Variants in NDUFS1 observed in about 807,000 individuals in gnomAD.
NDUFS1 encodes NADH-ubiquinone oxidoreductase 75 kDa subunit, mitochondrial.
Under a neutral mutation model 84.4 loss-of-function variants are expected in NDUFS1, and 61 were observed. That is an observed-to-expected ratio of 0.72 (90% CI 0.59 to 0.89). The LOEUF is 0.89. Ranked by LOEUF, NDUFS1 falls within the 40% of genes least tolerant of loss-of-function variation. NDUFS1 has a pLI of 0.00. For missense variants in NDUFS1, 891 were observed against 890.0 expected, an observed-to-expected ratio of 1.00 and a Z score of -0.01; for synonymous variants, 275 against 290.0, an observed-to-expected ratio of 0.95 and a Z score of 0.53.
Position 206,117,688 on chromosome 2 carries a change from G to A in NDUFS1, c.*6497C>T, listed in dbSNP as rs774735490. On this transcript the variant is annotated 3_prime_UTR_variant, in exon 19 of 19. Coordinates refer to ENST00000233190, the MANE Select transcript of NDUFS1 (RefSeq NM_005006.7). ...GGCCTTATGAGAGCCACCGCACCCA[G>A]CTGATACTCTGCAAATGTTTAATAG... is the stretch of plus-strand genomic sequence containing the variant. 2 of 152,192 alleles carry A rather than the reference G, an allele frequency of 1.3e-5. No individual in the cohort carries two copies. The highest frequency in any genetic ancestry group is 2.9e-5 in the Non-Finnish European group (2 of 68,034). The allele number at this position is 152,192 out of a possible 1,614,324, so 9.4% of individuals were successfully genotyped here.
chr2:206,151,526 T>C (rs1692371665), intron 3 of NDUFS1, among the ~76,000 whole-genome samples: 1 of 152,212 alleles, frequency 6.6e-6, no homozygotes, highest in South Asian at 2.1e-4. Context: ...CATACATTTA[T>C]ATCATATTTT....
At chr2:206,159,196 G>A in intron 1 of NDUFS1, 145 bp downstream of exon 1, 8 of 1,518,442 alleles carry the variant, frequency 5.3e-6, no homozygotes, top group South Asian at 4.8e-5. Context: ...CCGGCTCTCA[G>A]GGGCTTCCGA....
rs1230510417 is a variant in NDUFS1 at position 206,123,880 on chromosome 2, ATTAT to A, written c.*301_*304del. On this transcript the variant is annotated 3_prime_UTR_variant, in exon 19 of 19. Coordinates refer to ENST00000233190, the MANE Select transcript of NDUFS1 (RefSeq NM_005006.7). The stretch of plus-strand genomic sequence containing the variant: ...TTCATTTCATCCATTTTACAGACAA[ATTAT>A]TTATGAAGATAAGCCAACAACTCAT... 7 of 262,306 alleles carry A rather than the reference ATTAT, an allele frequency of 2.7e-5. No homozygotes were observed. The highest frequency in any genetic ancestry group is 1.1e-4 in the African/African-American group (5 of 44,920). The allele number at this position is 262,306 out of a possible 1,614,324, so 16.2% of individuals were successfully genotyped here.
intron 1 of NDUFS1, chr2:206,159,028 G>A (rs1209789191): frequency 2.1e-5 from 32 of 1,497,886 alleles, no homozygotes; most frequent in Non-Finnish European, 2.5e-5. Context: ...GGAATAAAAC[G>A]GCCTCCTCCT....
intron 8 of NDUFS1, among the ~76,000 whole-genome samples, chr2:206,146,501 CA>C (rs2105973148): frequency 6.6e-6 from 1 of 152,234 alleles, no homozygotes; most frequent in Non-Finnish European, 1.5e-5. Context: ...GTGTAAACAG[CA>C]ATATTTTTTA....
intron 1 of NDUFS1, among the ~76,000 whole-genome samples, chr2:206,155,641 G>A (rs1374187193): frequency 2.7e-5 from 4 of 150,936 alleles, no homozygotes; most frequent in African/African-American, 9.7e-5. Context: ...TGGTCCTGAA[G>A]TCCTGATCTC....
rs1332106022 is a variant in NDUFS1 at position 206,121,731 on chromosome 2, T to G, written c.*2454A>C. The G allele has an allele frequency of 6.6e-6, 1 of 152,158 alleles. No individual in the cohort carries two copies. The highest frequency in any genetic ancestry group is 2.4e-5 in the African/African-American group (1 of 41,412). The allele number at this position is 152,158 out of a possible 1,614,324, so 9.4% of individuals were successfully genotyped here. ...CCTGCCAAAGTGCTGGGATTACAGG[T>G]GTGAGCCACCGCGCCCGGTCCAGAC... On this transcript the variant is annotated 3_prime_UTR_variant, in exon 19 of 19. Coordinates refer to ENST00000233190, the MANE Select transcript of NDUFS1 (RefSeq NM_005006.7).
intron 1 of NDUFS1, among the ~76,000 whole-genome samples, chr2:206,156,212 A>G (rs62195387): frequency 0.52 from 75,786 of 145,516 alleles, 21,340 homozygotes; most frequent in African/African-American, 0.73. Flanking sequence ...GCAGTGAGCC[A>G]AGATCACGCC....
At chr2:206,159,057 G>C (rs964387458) in intron 1 of NDUFS1, 1 of 1,534,614 alleles carries the variant, frequency 6.5e-7, no homozygotes, top group Non-Finnish European at 8.7e-7. Context: ...GAAATGTCCT[G>C]AATTTTCCCT....
rs1293217903 is a variant in NDUFS1 at position 206,124,078 on chromosome 2, T to G, written c.*107A>C. The G allele has an allele frequency of 2.6e-6, 2 of 777,156 alleles. No homozygotes were observed. The highest frequency in any genetic ancestry group is 2.7e-5 in the East Asian group (1 of 37,210). 48.1% of individuals were successfully genotyped at this position (777,156 alleles called of 1,614,324 possible). A position where few individuals can be genotyped will look rare whatever the true frequency, so the allele number is the denominator to read the frequency against. ...AGTATAACCTTAAATATTACATGAT[T>G]CAAATTATTATTATTTTTTTTTACA... On this transcript the variant is annotated 3_prime_UTR_variant, in exon 19 of 19. Transcript: ENST00000233190.
Position 206,144,057 on chromosome 2 carries a change from A to G in NDUFS1, c.948T>C (p.Tyr316=), listed in dbSNP as rs1302157342. ...MVRNEKGLLT[Y]TSWEDALSRV... ...GAGAGAGCGCATCCTCCCAAGAAGT[A>G]TAGGTTAAAAGCCCTTTTTCATTTC... is the stretch of plus-strand genomic sequence containing the variant. Residue 316 remains tyrosine, a synonymous_variant, in exon 10 of 19, where the codon TAT becomes TAC. Transcript: ENST00000233190. The G allele has an allele frequency of 1.9e-6, 3 of 1,614,032 alleles. No homozygotes were observed. Among genetic ancestry groups the G allele is most frequent in the Non-Finnish European group, 2.5e-6 (3 of 1,179,894 alleles).
chr2:206,120,370 A>C lies in NDUFS1; in HGVS notation c.*3815T>G, dbSNP rs1157785740. On this transcript the variant is annotated 3_prime_UTR_variant, in exon 19 of 19. Coordinates refer to ENST00000233190, the MANE Select transcript of NDUFS1 (RefSeq NM_005006.7). ...AGAATCTGGAGGGCTCAGAAGACAGAAAGATGAGGGAAAGTTTGGAACTTA... is the reference window on the plus strand; with the variant it reads ...AGAATCTGGAGGGCTCAGAAGACAGCAAGATGAGGGAAAGTTTGGAACTTA... The C allele has an allele frequency of 6.6e-6, 1 of 152,244 alleles. No individual in the cohort carries two copies. Among genetic ancestry groups the C allele is most frequent in the Non-Finnish European group, 1.5e-5 (1 of 68,070 alleles). 9.4% of individuals were successfully genotyped at this position (152,244 alleles called of 1,614,324 possible).
intron 1 of NDUFS1, among the ~76,000 whole-genome samples, chr2:206,157,198 G>A (rs970308264): frequency 7.9e-5 from 12 of 152,166 alleles, no homozygotes; most frequent in Middle Eastern, 3.2e-3. Flanking sequence ...TGATCCACCC[G>A]CGTCGACCTC....
rs560737573 is a variant in NDUFS1 at position 206,141,664 on chromosome 2, G to A, written c.1262+277C>T. 6.0e-5 allele frequency among the ~76,000 whole-genome samples: 9 copies of A among 149,954 alleles called. No individual in the cohort carries two copies. The East Asian group carries it at 1.4e-3, about 23-fold the overall frequency. ...TCCCAGCACTTTGGGAGGCTGAGGC[G>A]GGCGGATCACGAGGTCAGGAAATCG... is the stretch of plus-strand genomic sequence containing the variant. On this transcript the variant is annotated intron_variant, in intron 12 of 18. Coordinates refer to ENST00000233190, the MANE Select transcript of NDUFS1 (RefSeq NM_005006.7).
intron 1 of NDUFS1, among the ~76,000 whole-genome samples, chr2:206,156,561 T>A (rs1359173276): frequency 1.3e-5 from 2 of 151,182 alleles, no homozygotes; most frequent in South Asian, 2.1e-4. Context: ...GGTGACAGAA[T>A]AAGACCCTGT....
intron 5 of NDUFS1, 100 bp downstream of exon 5, chr2:206,148,920 A>C (rs1692261675): frequency 1.1e-6 from 1 of 876,104 alleles, no homozygotes; most frequent in Admixed American, 1.9e-5. Context: ...ACTTCTTCCG[A>C]GTTTGATATT....
At chr2:206,158,998 G>T (rs1002046580) in intron 1 of NDUFS1, 1 of 1,331,110 alleles carries the variant, frequency 7.5e-7, no homozygotes, top group Non-Finnish European at 1.0e-6. Context: ...CTAAGTCATC[G>T]GACACTGGTC....
intron 1 of NDUFS1, 33 bp from the exon 2 acceptor site, chr2:206,153,715 G>T: frequency 1.7e-6 from 2 of 1,206,778 alleles, no homozygotes; most frequent in South Asian, 2.6e-5. Flanking sequence ...TATTATTGTA[G>T]GGAAAAAAAC....
In NDUFS1 at chr2:206,149,835, T is replaced by C; in HGVS notation, c.244A>G (p.Ile82Val). Residue 82 changes from isoleucine (I) to valine (V), a missense_variant, in exon 4 of 19, where the codon ATT becomes GTT. Transcript: ENST00000233190. ...AGNCRMCLVE[I>V]EKAPKVVAAC... ...TCAAGTACCTTAGGGGCTTTCTCAA[T>C]TTCAACAAGGCACATCCTGCAGTTT... 1 of 1,611,666 alleles carries C rather than the reference T, an allele frequency of 6.2e-7. No homozygotes were observed. Among genetic ancestry groups the C allele is most frequent in the Non-Finnish European group, 8.5e-7 (1 of 1,179,530 alleles).
Sources: gnomAD v4.1 joint callset for allele counts (sites outside exome capture counted in the v4.1 genomes callset) on GRCh38, gnomAD v4.1.1 for gene constraint, MANE v1.5 for transcripts, NCBI Gene and HGNC (gene_info 2026-07-23, HGNC 2026-07-21) for gene names.